Variants in KLHL1 observed in about 807,000 individuals in gnomAD.
The protein encoded by KLHL1 is kelch like family member 1.
KLHL1 carries 47 observed loss-of-function variants against 77.7 expected under a neutral mutation model. That is an observed-to-expected ratio of 0.60 (90% CI 0.48 to 0.77). KLHL1 has a LOEUF of 0.77. KLHL1 is among the 30% of genes least tolerant of loss of function. The pLI is 0.00. For missense variants in KLHL1, 925 were observed against 910.8 expected (o/e 1.02, Z -0.20); for synonymous variants, 360 against 325.2 (o/e 1.11, Z -1.15).
chr13:69,716,795 G>A (rs1872774880), intron 9 of KLHL1, among the ~76,000 whole-genome samples: 1 of 151,976 alleles, frequency 6.6e-6, no homozygotes, highest in African/African-American at 2.4e-5. Context: ...GCTCTGTATA[G>A]CATAGTGCCA....
intron 7 of KLHL1, among the ~76,000 whole-genome samples, chr13:69,780,721 T>TATAAC (rs1555267671): frequency 1.6e-5 from 1 of 62,852 alleles, no homozygotes; most frequent in Admixed American, 1.4e-4. Flanking sequence ...TATATGTATA[T>TATAAC]ATATATATAT....
intron 3 of KLHL1, among the ~76,000 whole-genome samples, chr13:69,955,657 GA>G (rs1883843428): frequency 6.6e-6 from 1 of 150,830 alleles, no homozygotes; most frequent in Non-Finnish European, 1.5e-5. Context: ...AAACTAGGAG[GA>G]AATTTCTATC....
chr13:70,039,939 T>G (rs1168950886), intron 1 of KLHL1, among the ~76,000 whole-genome samples: 1 of 152,120 alleles, frequency 6.6e-6, no homozygotes, highest in Non-Finnish European at 1.5e-5. Context: ...AAAATATATA[T>G]TTTTTGATTT....
intron 6 of KLHL1, among the ~76,000 whole-genome samples, chr13:69,813,082 C>T (rs2138065264): frequency 6.6e-6 from 1 of 151,960 alleles, no homozygotes; most frequent in East Asian, 1.9e-4. Context: ...CCCAAATGTT[C>T]ATCAATGATA....
At chr13:69,778,792 CTTTTTTTTTTTTT>C (rs1172258314) in intron 7 of KLHL1, among the ~76,000 whole-genome samples, 1 of 99,216 alleles carries the variant, frequency 1.0e-5, no homozygotes, top group African/African-American at 4.2e-5. Flanking sequence ...TATTCCCTCT[CTTTTTTTTTTTTT>C]TTTTTTTTTT....
intron 1 of KLHL1, among the ~76,000 whole-genome samples, chr13:70,008,973 T>A (rs1297493244): frequency 6.6e-6 from 1 of 152,148 alleles, no homozygotes; most frequent in East Asian, 1.9e-4. Context: ...TCATTAAATT[T>A]GTCATTAATG....
At chr13:69,874,581 T>C (rs968321808) in intron 5 of KLHL1, among the ~76,000 whole-genome samples, 3 of 152,200 alleles carry the variant, frequency 2.0e-5, no homozygotes, top group Non-Finnish European at 4.4e-5. Context: ...TATTATACCC[T>C]ATATTAATGT....
chr13:69,897,495 C>T (rs774298252), intron 4 of KLHL1, among the ~76,000 whole-genome samples: 6 of 152,156 alleles, frequency 3.9e-5, no homozygotes, highest in Non-Finnish European at 8.8e-5. Context: ...TTTCCAGTAG[C>T]CCAAAGATAT....
At chr13:69,799,400 G>T (rs1877275103) in intron 6 of KLHL1, among the ~76,000 whole-genome samples, 2 of 152,142 alleles carry the variant, frequency 1.3e-5, no homozygotes, top group Admixed American at 1.3e-4. Flanking sequence ...GTCAGGAATT[G>T]ATTTGGATTT....
intron 1 of KLHL1, among the ~76,000 whole-genome samples, 183 bp downstream of exon 1, chr13:70,107,020 C>G (rs567630699): frequency 1.4e-4 from 22 of 152,062 alleles, no homozygotes; most frequent in Admixed American, 7.9e-4. Context: ...GGTGTCTGAA[C>G]CAATAGAAAT....
At chr13:69,913,506 C>A (rs936254200) in intron 4 of KLHL1, among the ~76,000 whole-genome samples, 1 of 152,206 alleles carries the variant, frequency 6.6e-6, no homozygotes, top group South Asian at 2.1e-4. Flanking sequence ...GCTGCCTGAA[C>A]CTGCTGCTTC....
At chr13:69,714,439 C>T (rs530511412) in intron 9 of KLHL1, among the ~76,000 whole-genome samples, 1 of 152,138 alleles carries the variant, frequency 6.6e-6, no homozygotes, top group East Asian at 1.9e-4. Flanking sequence ...AATCTGAATG[C>T]CAGTTTAAAC....
intron 4 of KLHL1, among the ~76,000 whole-genome samples, chr13:69,932,584 G>T (rs1436359136): frequency 1.3e-5 from 2 of 151,810 alleles, no homozygotes; most frequent in African/African-American, 4.8e-5. Flanking sequence ...TTGAAACTTT[G>T]TTAGTTATAT....
At chr13:70,065,672 T>G (rs1886991201) in intron 1 of KLHL1, among the ~76,000 whole-genome samples, 1 of 152,210 alleles carries the variant, frequency 6.6e-6, no homozygotes, top group Non-Finnish European at 1.5e-5. Flanking sequence ...TCTTTTAGTA[T>G]ATGTGCTTGG....
intron 5 of KLHL1, among the ~76,000 whole-genome samples, chr13:69,853,656 C>T (rs34662690): frequency 0.13 from 20,144 of 151,938 alleles, 1,536 homozygotes; most frequent in African/African-American, 0.18. Context: ...GTGGTATTCA[C>T]CAGTGAATGT....
chr13:70,034,798 T>A (rs1886198710), intron 1 of KLHL1, among the ~76,000 whole-genome samples: 1 of 152,164 alleles, frequency 6.6e-6, no homozygotes, highest in South Asian at 2.1e-4. Flanking sequence ...AAGTTTAGAA[T>A]GAGATTAATA....
At chr13:69,725,478 T>C (rs1006923780) in intron 8 of KLHL1, among the ~76,000 whole-genome samples, 2 of 152,138 alleles carry the variant, frequency 1.3e-5, no homozygotes, top group Admixed American at 6.6e-5. Context: ...TTATACCTAG[T>C]TAGTAAGATG....
intron 1 of KLHL1, among the ~76,000 whole-genome samples, chr13:70,068,159 G>T (rs902658030): frequency 2.0e-5 from 3 of 151,874 alleles, no homozygotes; most frequent in East Asian, 3.9e-4. Flanking sequence ...GGCTAACACG[G>T]TGAAAACCCA....
chr13:70,076,704 C>T (rs1887276688), intron 1 of KLHL1, among the ~76,000 whole-genome samples: 1 of 151,678 alleles, frequency 6.6e-6, no homozygotes. Context: ...AATGTAAAGC[C>T]ACAGACCAGG....
Sources: gnomAD v4.1 joint callset for allele counts (sites outside exome capture counted in the v4.1 genomes callset) on GRCh38, gnomAD v4.1.1 for gene constraint, MANE v1.5 for transcripts, NCBI Gene and HGNC (gene_info 2026-07-23, HGNC 2026-07-21) for gene names.